Variants in MGAM observed in about 807,000 individuals in gnomAD.
MGAM encodes alpha-1,4-glucosidase.
A neutral mutation model predicts 358.8 loss-of-function variants in MGAM; 253 were observed. The observed-to-expected ratio is 0.71, with a 90% confidence interval of 0.64 to 0.78. The LOEUF is 0.78. Among genes scored for constraint, MGAM ranks in the 30% least tolerant of loss-of-function variants. MGAM has a pLI of 0.00. For missense variants in MGAM, 3,080 were observed against 3,432.6 expected, an observed-to-expected ratio of 0.90 and a Z score of 2.57; for synonymous variants, 1,105 against 1,227.1, an observed-to-expected ratio of 0.90 and a Z score of 2.08.
chr7:142,046,011 A>T (rs1355633930), intron 21 of MGAM, among the ~76,000 whole-genome samples: 1 of 132,456 alleles, frequency 7.5e-6, no homozygotes, highest in Non-Finnish European at 1.5e-5. Context: ...AATATATATT[A>T]TGTATACATA....
Position 142,038,906 on chromosome 7 carries a change from G to C in MGAM, c.2316+291G>C, listed in dbSNP as rs535460379. Reference sequence around the variant, plus strand: ...CTTGCATTGCTATACAGAAATTCCTGACACTGAGTGATTTACAAAGAAAAG... The same window carrying C: ...CTTGCATTGCTATACAGAAATTCCTCACACTGAGTGATTTACAAAGAAAAG... On this transcript the variant is annotated intron_variant, in intron 19 of 70. Coordinates refer to ENST00000475668, the MANE Select transcript of MGAM (RefSeq NM_001365693.1). 3.3e-5 allele frequency among the ~76,000 whole-genome samples: 5 copies of C among 152,222 alleles called. No individual in the cohort carries two copies. The South Asian group carries it at 1.0e-3, about 32-fold the overall frequency.
At chr7:142,062,511 C>G (rs1812312242) in intron 34 of MGAM, 57 bp from the exon 35 acceptor site, 1 of 1,528,902 alleles carries the variant, frequency 6.5e-7, no homozygotes, top group Non-Finnish European at 8.8e-7. Flanking sequence ...CAGTAAGTGC[C>G]TGTTTGCTGT....
chr7:142,045,576 T>TA (rs1563158410), intron 21 of MGAM, among the ~76,000 whole-genome samples: 1 of 108,456 alleles, frequency 9.2e-6, no homozygotes. Context: ...ATAATATATA[T>TA]TATATATACA....
rs1324808525 is a variant in MGAM, at chr7:142,082,737, T to A, written c.6268+166T>A. On this transcript the variant is annotated intron_variant, in intron 52 of 70. Transcript: ENST00000475668. ...AGCCTTTCTGTTCATTTCAGTCTAATATCATGTGATAAGAAGATTTAACCC... is the reference window on the plus strand; with the variant it reads ...AGCCTTTCTGTTCATTTCAGTCTAAAATCATGTGATAAGAAGATTTAACCC... Among the ~76,000 whole-genome samples the A allele has an allele frequency of 2.7e-5, 4 of 146,594 alleles. 1 individual carries two copies. The highest frequency in any genetic ancestry group is 6.2e-5 in the Non-Finnish European group (4 of 64,714).
chr7:141,990,731 G>T (rs2084546530), intron 2 of MGAM, among the ~76,000 whole-genome samples: 1 of 151,880 alleles, frequency 6.6e-6, no homozygotes, highest in Non-Finnish European at 1.5e-5. Context: ...TGCACAATGT[G>T]CAGGTTAGTT....
At chr7:142,046,120 A>T (rs528616793) in intron 21 of MGAM, among the ~76,000 whole-genome samples, 9 of 143,848 alleles carry the variant, frequency 6.3e-5, no homozygotes, top group Non-Finnish European at 1.2e-4. Flanking sequence ...ATATTTATAT[A>T]TTTATTATAT....
chr7:141,990,837 C>G (rs1370931384), intron 2 of MGAM, among the ~76,000 whole-genome samples: 2 of 152,170 alleles, frequency 1.3e-5, no homozygotes, highest in African/African-American at 4.8e-5. Context: ...CCCAAAATAT[C>G]TTTCCTTTTC....
At chr7:142,065,300 T>G in intron 37 of MGAM, 35 bp from the exon 38 acceptor site, 1 of 1,594,980 alleles carries the variant, frequency 6.3e-7, no homozygotes, top group Non-Finnish European at 8.5e-7. Flanking sequence ...TCCCTGGCTG[T>G]TGCCTCAGTT....
At position 142,068,699 on chromosome 7, in the gene MGAM, A is replaced by G; in HGVS notation, c.5057A>G (p.Tyr1686Cys). Residue 1686 changes from tyrosine (Y) to cysteine (C), a missense_variant, in exon 43 of 71, where the codon TAC becomes TGC. By Grantham distance (194) the Tyr-to-Cys change is radical (BLOSUM62 -2). Coordinates refer to ENST00000475668, the MANE Select transcript of MGAM (RefSeq NM_001365693.1). The stretch of plus-strand genomic sequence containing the variant: ...CCTAGAGCCCGTTGGTACGATTACT[A>G]CACGGTAAGTTTTTCTGAATGTTTA... ...YFPRARWYDY[Y>C]TGVDINARGE... is the part of the protein sequence containing the mutation. 6.6e-7 allele frequency: 1 copy of G among 1,522,740 alleles called. No homozygotes were observed. Among genetic ancestry groups the G allele is most frequent in the East Asian group, 2.3e-5 (1 of 43,806 alleles). The allele number at this position is 1,522,740 out of a possible 1,614,324, so 94.3% of individuals were successfully genotyped here.
rs1808970150 is a variant in MGAM at position 142,042,455 on chromosome 7, A to AT, written c.2498+1609_2498+1610insT. On this transcript the variant is annotated intron_variant, in intron 21 of 70. Coordinates refer to ENST00000475668, the MANE Select transcript of MGAM (RefSeq NM_001365693.1). Reference sequence around the variant, plus strand: ...TATATAACATATAATATATAATATAACATATAATATATAATATATAATATA... The same window carrying AT: ...TATATAACATATAATATATAATATAATCATATAATATATAATATATAATATA... 3.2e-4 allele frequency among the ~76,000 whole-genome samples: 7 copies of AT among 21,650 alleles called. 1 individual carries two copies. Among genetic ancestry groups the AT allele is most frequent in the Non-Finnish European group, 5.6e-4 (7 of 12,540 alleles). The allele number at this position is 21,650 out of a possible 152,430, so 14.2% of individuals were successfully genotyped here. A position where few individuals can be genotyped will look rare whatever the true frequency, so the allele number is the denominator to read the frequency against.
chr7:142,065,229 T>G (rs1812604384), intron 37 of MGAM, 106 bp from the exon 38 acceptor site: 1 of 1,455,082 alleles, frequency 6.9e-7, no homozygotes, highest in Non-Finnish European at 9.3e-7. Flanking sequence ...TTCCCTCCAG[T>G]CACGCAGCAA....
chr7:142,028,584 A>C (rs1459692082), intron 10 of MGAM, among the ~76,000 whole-genome samples: 2 of 152,174 alleles, frequency 1.3e-5, no homozygotes, highest in Admixed American at 1.3e-4. Flanking sequence ...GTGTTTTTAC[A>C]TTGATATTTT....
intron 24 of MGAM, 58 bp from the exon 25 acceptor site, chr7:142,052,236 G>A: frequency 1.4e-6 from 2 of 1,436,770 alleles, no homozygotes; most frequent in South Asian, 1.4e-5. Context: ...AAAACCTCAG[G>A]TCTTGCAAAG....
intron 37 of MGAM, among the ~76,000 whole-genome samples, chr7:142,064,950 T>C (rs1448988698): frequency 6.6e-6 from 1 of 152,222 alleles, no homozygotes; most frequent in East Asian, 1.9e-4. Flanking sequence ...GGTATTGTAC[T>C]GAATTAGCAC....
At position 141,996,134 on chromosome 7, in the gene MGAM, T is replaced by TA. The variant is rs573278439; in HGVS notation, c.-3+211dup. 6.5e-3 allele frequency among the ~76,000 whole-genome samples: 991 copies of TA among 151,716 alleles called. 5 individuals carry two copies. Among genetic ancestry groups the TA allele is most frequent in the Non-Finnish European group, 0.01 (689 of 67,900 alleles). On this transcript the variant is annotated intron_variant, in intron 1 of 70. Transcript: ENST00000475668. ...GACCATGGTGAAACCCCATCTCTAC[T>TA]AAAAAAATACAAAAAATTAGCCGGG...
intron 57 of MGAM, among the ~76,000 whole-genome samples, chr7:142,088,992 G>GTATC (rs1468943382): frequency 0.046 from 2,947 of 64,144 alleles, 207 homozygotes; most frequent in Non-Finnish European, 0.058. Flanking sequence ...ATGTATGTAT[G>GTATC]TATGTATCTA....
chr7:142,070,906 A>T, intron 43 of MGAM, 88 bp from the exon 44 acceptor site: 1 of 1,474,882 alleles, frequency 6.8e-7, no homozygotes, highest in Non-Finnish European at 9.4e-7. Context: ...ATAAGTTCAG[A>T]GGGGAGGATG....
chr7:142,055,509 A>C, intron 27 of MGAM, 49 bp from the exon 28 acceptor site: 1 of 1,610,544 alleles, frequency 6.2e-7, no homozygotes, highest in Non-Finnish European at 8.5e-7. Flanking sequence ...TGCTGGAAAC[A>C]GAGATAAAAG....
Position 142,066,607 on chromosome 7 carries a change from T to C in MGAM, c.4805T>C (p.Val1602Ala). The change falls in exon 41 of 71, where the codon GTG becomes GCG. Residue 1602 changes from valine to alanine, a missense_variant. By Grantham distance (64) the Val-to-Ala change is moderately conservative. Around this residue, in one of 5 missense-constraint regions of MGAM, gnomAD observed 134 missense variants for 198.4 expected, o/e 0.68. Transcript: ENST00000475668. Reference sequence around the variant, plus strand: ...CCTGTGTCCTGGGATGCTGCTTTTGTGAATATTTCCAGAAATGTCCTGCAG... The same window carrying C: ...CCTGTGTCCTGGGATGCTGCTTTTGCGAATATTTCCAGAAATGTCCTGCAG... ...QDPVSWDAAF[V>A]NISRNVLQTR... The C allele has an allele frequency of 6.4e-7, 1 of 1,555,812 alleles. No homozygotes were observed. The highest frequency in any genetic ancestry group is 8.8e-7 in the Non-Finnish European group (1 of 1,132,586).
Sources: gnomAD v4.1 joint callset for allele counts (sites outside exome capture counted in the v4.1 genomes callset) on GRCh38, gnomAD v4.1.1 for gene constraint, gnomAD v4.1.1 regional missense constraint, MANE v1.5 for transcripts, NCBI Gene and HGNC (gene_info 2026-07-23, HGNC 2026-07-21) for gene names.